CDHR2: variants seen among roughly 807,000 people sequenced by gnomAD.
CDHR2 encodes cadherin-related family member 2.
In CDHR2, 104 loss-of-function variants were observed where a neutral mutation model predicts 138.6. The ratio of observed to expected loss-of-function variants is 0.75; its 90% confidence interval spans 0.64 to 0.88. The LOEUF is 0.88. CDHR2 is among the 40% of genes least tolerant of loss of function. The pLI, the probability that CDHR2 is intolerant of heterozygous loss-of-function variation, is 0.00. For synonymous variants in CDHR2, 755 were observed against 742.8 expected, an observed-to-expected ratio of 1.02 and a Z score of -0.27; for missense variants, 1,624 against 1,727.6, an observed-to-expected ratio of 0.94 and a Z score of 1.06.
chr5:176,571,166 G>A, intron 5 of CDHR2, 47 bp from the exon 6 acceptor site: 2 of 1,318,130 alleles, frequency 1.5e-6, no homozygotes, highest in Non-Finnish European at 2.1e-6. Flanking sequence ...CTTTTCTGGT[G>A]TTTTAAATCC....
At chr5:176,578,220 T>A in intron 15 of CDHR2, 125 bp downstream of exon 15, 1 of 1,225,972 alleles carries the variant, frequency 8.2e-7, no homozygotes, top group East Asian at 2.5e-5. Flanking sequence ...CAATTTCAGA[T>A]AAACAAGGAA....
rs1368446236 is a variant in CDHR2 at position 176,589,387 on chromosome 5, C to T, written c.3066C>T (p.Ala1022=). ...LQGTYQVTVQ[A]RDRPSLGPFL... ...GCACCTACCAAGTGACAGTCCAGGC[C>T]AGGGACAGACCTTCCTTGGGTCCTT... The change falls in exon 23 of 32, where the codon GCC becomes GCT. Residue 1022 remains alanine, a synonymous_variant. Coordinates refer to ENST00000261944, the MANE Select transcript of CDHR2 (RefSeq NM_017675.6). 1.3e-6 allele frequency: 2 copies of T among 1,569,748 alleles called. No homozygotes were observed. Among genetic ancestry groups the T allele is most frequent in the Admixed American group, 3.5e-5 (2 of 56,730 alleles).
At chr5:176,568,568 AGCCTGTGTACAG>A in intron 3 of CDHR2, 98 bp from the exon 4 acceptor site, 1 of 1,242,352 alleles carries the variant, frequency 8.0e-7, no homozygotes. Context: ...TGGCAAGTCA[AGCCTGTGTACAG>A]GGCAGCCAGG....
intron 1 of CDHR2, among the ~76,000 whole-genome samples, chr5:176,561,154 C>A (rs1757958127): frequency 6.6e-6 from 1 of 152,214 alleles, no homozygotes; most frequent in Non-Finnish European, 1.5e-5. Context: ...GTGAGCTAGG[C>A]ACTGTTTAAG....
Position 176,575,117 on chromosome 5 carries a change from TTCCGGA to T in CDHR2, c.533_538del (p.Arg178_Ile179del). The T allele has an allele frequency of 1.2e-6, 2 of 1,614,168 alleles. No individual in the cohort carries two copies. The highest frequency in any genetic ancestry group is 2.2e-5 in the South Asian group (2 of 91,084). ...TAGCACTGGGGACAGCGAGCATCTC[TTCCGGA>T]TCCTGGCCAATGGCTCCATAGTCCT... On this transcript the variant is annotated inframe_deletion, in exon 8 of 32. Transcript: ENST00000261944.
chr5:176,590,511 A>C, intron 27 of CDHR2, 26 bp downstream of exon 27: 2 of 1,613,942 alleles, frequency 1.2e-6, no homozygotes, highest in Non-Finnish European at 1.7e-6. Flanking sequence ...GCGGGGCAGC[A>C]GGTGGGGCTG....
rs372905647 is a variant in CDHR2 at position 176,569,094 on chromosome 5, G to GCCC, written c.315+86_315+88dup. 28 of 1,287,686 alleles carry GCCC rather than the reference G, an allele frequency of 2.2e-5. No individual in the cohort carries two copies. The African/African-American group carries it at 3.8e-4, about 18-fold the overall frequency. The allele number at this position is 1,287,686 out of a possible 1,614,324, so 79.8% of individuals were successfully genotyped here. ...TCCCCACCTCCGGCAAGCGGACGGT[G>GCCC]CCCCAGTTAACAGTGAATTTAATGT... On this transcript the variant is annotated intron_variant, in intron 5 of 31. Coordinates refer to ENST00000261944, the MANE Select transcript of CDHR2 (RefSeq NM_017675.6).
rs759982587 is a variant in CDHR2, at chr5:176,578,029, C to G, written c.1513-5C>G. 2 of 1,609,830 alleles carry G rather than the reference C, an allele frequency of 1.2e-6. No individual in the cohort carries two copies. The highest frequency in any genetic ancestry group is 3.3e-5 in the Admixed American group (2 of 59,720). ...ACAGCACCCTGCCATGTCTCTGCCT[C>G]ACAGGCCACGGACCCAGACACGGGC... On this transcript the variant is annotated splice_polypyrimidine_tract_variant and splice_region_variant and intron_variant, in intron 14 of 31. Coordinates refer to ENST00000261944, the MANE Select transcript of CDHR2 (RefSeq NM_017675.6).
rs1348050967 is a variant in CDHR2 at position 176,576,988 on chromosome 5, A to G, written c.1195-411A>G. 4.0e-5 allele frequency among the ~76,000 whole-genome samples: 6 copies of G among 151,840 alleles called. No individual in the cohort carries two copies. Among genetic ancestry groups the G allele is most frequent in the Non-Finnish European group, 7.4e-5 (5 of 67,954 alleles). On this transcript the variant is annotated intron_variant, in intron 12 of 31. Transcript: ENST00000261944. The surrounding 1 kb of genome is among the most constrained non-coding windows in gnomAD (Gnocchi z 4.5). ...TGTTAGGTGATACTGAGGGGTTGGA[A>G]ATGTTGCGTGGAGGACAGTGTCGGG...
chr5:176,564,058 A>C (rs1195129840), intron 1 of CDHR2, among the ~76,000 whole-genome samples: 1 of 152,210 alleles, frequency 6.6e-6, no homozygotes, highest in Admixed American at 6.5e-5. Flanking sequence ...GTCTTACAGA[A>C]AGATTATAGA....
intron 21 of CDHR2, among the ~76,000 whole-genome samples, chr5:176,587,537 TA>T (rs998968523): frequency 3.9e-5 from 6 of 152,132 alleles, no homozygotes; most frequent in African/African-American, 1.4e-4. Context: ...GCAAGTTTAT[TA>T]GGGGTGGTGG....
At position 176,553,010 on chromosome 5, in the gene CDHR2, C is replaced by T. The variant is rs1467910767; in HGVS notation, c.-16+3596C>T. The stretch of plus-strand genomic sequence containing the variant: ...CGCTGTTGCTCTGAGTGAGGGTCCC[C>T]AGGCTTCTTGAGGCCCTCCATCCTG... On this transcript the variant is annotated intron_variant, in intron 1 of 31. Coordinates refer to ENST00000261944, the MANE Select transcript of CDHR2 (RefSeq NM_017675.6). The surrounding 1 kb of genome is among the most constrained non-coding windows in gnomAD (Gnocchi z 4.3). Among the ~76,000 whole-genome samples, 1 of 152,178 alleles carries T rather than the reference C, an allele frequency of 6.6e-6. No homozygotes were observed. The highest frequency in any genetic ancestry group is 1.5e-5 in the Non-Finnish European group (1 of 68,028).
At chr5:176,585,812 G>GCGGGGCATGGGGTTGAGGCTT in intron 19 of CDHR2, 142 bp from the exon 20 acceptor site, 1 of 666,812 alleles carries the variant, frequency 1.5e-6, no homozygotes, top group South Asian at 1.7e-5. Context: ...GGTTGAGGCT[G>GCGGGGCATGGGGTTGAGGCTT]CGGGGCACAG....
intron 16 of CDHR2, among the ~76,000 whole-genome samples, chr5:176,580,336 C>T (rs974016156): frequency 6.6e-6 from 1 of 152,036 alleles, no homozygotes; most frequent in East Asian, 1.9e-4. Context: ...CGAAACCAGC[C>T]TGGCCAACAT....
intron 21 of CDHR2, 38 bp downstream of exon 21, chr5:176,586,880 C>T (rs370483280): frequency 6.4e-7 from 1 of 1,570,954 alleles, no homozygotes; most frequent in Non-Finnish European, 8.7e-7. Context: ...GTCATATGAG[C>T]CCCAGGGGAC....
At chr5:176,572,661 C>T (rs1056468553) in intron 6 of CDHR2, among the ~76,000 whole-genome samples, 2 of 152,158 alleles carry the variant, frequency 1.3e-5, no homozygotes, top group Non-Finnish European at 2.9e-5. Flanking sequence ...AGGAGATTCC[C>T]TGATGGTCAC....
intron 3 of CDHR2, among the ~76,000 whole-genome samples, chr5:176,568,336 C>T (rs762058938): frequency 6.6e-6 from 1 of 152,186 alleles, no homozygotes; most frequent in Non-Finnish European, 1.5e-5. Flanking sequence ...CTAGTCTGCA[C>T]CCAGATGCTG....
intron 6 of CDHR2, 44 bp from the exon 7 acceptor site, chr5:176,574,039 A>C: frequency 7.0e-7 from 1 of 1,435,892 alleles, no homozygotes; most frequent in Non-Finnish European, 9.8e-7. Context: ...AAGGGAGAGG[A>C]GGAGCTGGAT....
intron 31 of CDHR2, among the ~76,000 whole-genome samples, chr5:176,595,180 G>A (rs1020885196): frequency 3.9e-5 from 6 of 152,208 alleles, no homozygotes; most frequent in Admixed American, 2.0e-4. Context: ...CACGGTGCCT[G>A]CCGTGGGGTA....
Sources: gnomAD v4.1 joint callset for allele counts (sites outside exome capture counted in the v4.1 genomes callset) on GRCh38, gnomAD v4.1.1 for gene constraint, Gnocchi (gnomAD v3.1) non-coding constraint, MANE v1.5 for transcripts, NCBI Gene and HGNC (gene_info 2026-07-23, HGNC 2026-07-21) for gene names.